RYR2: variants seen among roughly 807,000 people sequenced by gnomAD.
The protein encoded by RYR2 is cardiac muscle ryanodine receptor-calcium release channel.
A neutral mutation model predicts 601.1 loss-of-function variants in RYR2; 227 were observed. The ratio of observed to expected loss-of-function variants is 0.38; its 90% confidence interval spans 0.34 to 0.42. The LOEUF is 0.42. RYR2 is among the 10% of genes least tolerant of loss of function. The probability of loss-of-function intolerance (pLI) is 1.00; values close to 1 mark genes in which losing one functional copy is unlikely to be tolerated. For synonymous variants in RYR2, 2,223 were observed against 2,175.1 expected (o/e 1.02, Z -0.61); for missense variants, 4,646 against 6,156.5 (o/e 0.75, Z 8.21).
rs373079767 is a variant in RYR2 at position 237,610,918 on chromosome 1, C to A, written c.4840C>A (p.Arg1614Ser). 17 of 1,613,482 alleles carry A rather than the reference C, an allele frequency of 1.1e-5. No individual in the cohort carries two copies. The highest frequency in any genetic ancestry group is 1.4e-5 in the Non-Finnish European group (17 of 1,179,716). Residue 1614 changes from arginine to serine, a missense_variant, in exon 36 of 105, where the codon CGC becomes AGC. Physicochemically the swap from Arg to Ser is moderately radical, Grantham distance 110. This residue lies in a region of RYR2 where 1,807 missense variants were observed against 2,088.1 expected (regional missense o/e 0.87). Coordinates refer to ENST00000366574, the MANE Select transcript of RYR2 (RefSeq NM_001035.3). This position sits in a 1 kb window ranked among gnomAD's most constrained non-coding sequence, Gnocchi z 4.9. Reference sequence around the variant, plus strand: ...GGTAGATGTGTCTCGAATAAGTGAACGCCAAGGCTGGTTGGTGCAGTGTTT... The same window carrying A: ...GGTAGATGTGTCTCGAATAAGTGAAAGCCAAGGCTGGTTGGTGCAGTGTTT... ...LKVDVSRISE[R>S]QGWLVQCLDP...
At chr1:237,572,806 C>A (rs1410367957) in intron 29 of RYR2, among the ~76,000 whole-genome samples, 1 of 151,970 alleles carries the variant, frequency 6.6e-6, no homozygotes, top group Non-Finnish European at 1.5e-5. Flanking sequence ...AGAGTTTATC[C>A]ATGCCTATGA....
chr1:237,313,869 C>A (rs1193095260), intron 2 of RYR2, among the ~76,000 whole-genome samples: 1 of 150,878 alleles, frequency 6.6e-6, no homozygotes, highest in Non-Finnish European at 1.5e-5. Context: ...TACTCACTCA[C>A]TCACTTGCTG....
chr1:237,143,521 T>G (rs2148770610), intron 1 of RYR2, among the ~76,000 whole-genome samples: 1 of 152,278 alleles, frequency 6.6e-6, no homozygotes, highest in Admixed American at 6.5e-5. Flanking sequence ...CTCCCATAAC[T>G]GTCCAGTATG....
intron 63 of RYR2, among the ~76,000 whole-genome samples, chr1:237,692,123 T>C (rs1686995333): frequency 6.6e-6 from 1 of 152,226 alleles, no homozygotes; most frequent in Non-Finnish European, 1.5e-5. Context: ...GTGGTGCTTA[T>C]CAGAGTGCCT....
chr1:237,561,200 C>A (rs191243150), intron 27 of RYR2, among the ~76,000 whole-genome samples: 4 of 152,092 alleles, frequency 2.6e-5, no homozygotes, highest in Non-Finnish European at 5.9e-5. Flanking sequence ...AGTTGTTTGA[C>A]AAGGTTTGAT....
chr1:237,717,683 C>G (rs1208871825), intron 72 of RYR2, among the ~76,000 whole-genome samples: 1 of 152,072 alleles, frequency 6.6e-6, no homozygotes, highest in Non-Finnish European at 1.5e-5. Flanking sequence ...GAAGCATACT[C>G]AAATTTATGA....
chr1:237,671,546 A>T (rs551868188), intron 58 of RYR2, among the ~76,000 whole-genome samples: 129 of 151,314 alleles, frequency 8.5e-4, no homozygotes, highest in Non-Finnish European at 1.6e-3. Context: ...TGTGCGTGTG[A>T]GAGAGAGAGA....
chr1:237,553,878 G>A (rs1215446088), intron 27 of RYR2, among the ~76,000 whole-genome samples: 1 of 151,868 alleles, frequency 6.6e-6, no homozygotes, highest in Non-Finnish European at 1.5e-5. Context: ...TATATCCTGT[G>A]ATTTGGCTAA....
chr1:237,786,019 T>C lies in RYR2; in HGVS notation c.13311T>C (p.Ser4437=). Residue 4437 remains serine (S), a synonymous_variant, in exon 91 of 105, where the codon TCT becomes TCC. Coordinates refer to ENST00000366574, the MANE Select transcript of RYR2 (RefSeq NM_001035.3). The part of the protein sequence containing the change: ...EEKEEKEETK[S]EPEKAEGEDG... Reference sequence around the variant, plus strand: ...AGGAAGAAAAAGAAGAAACCAAATCTGAACCTGAAAAAGCCGAGTATGTAT... The same window carrying C: ...AGGAAGAAAAAGAAGAAACCAAATCCGAACCTGAAAAAGCCGAGTATGTAT... The C allele has an allele frequency of 1.3e-6, 2 of 1,588,696 alleles. No individual in the cohort carries two copies. Among genetic ancestry groups the C allele is most frequent in the Non-Finnish European group, 8.6e-7 (1 of 1,165,956 alleles).
rs575787906 is a variant in RYR2 at position 237,604,977 on chromosome 1, G to A, written c.4683+2866G>A. 2.5e-4 allele frequency among the ~76,000 whole-genome samples: 38 copies of A among 152,106 alleles called. No individual in the cohort carries two copies. The South Asian group carries it at 4.4e-3, about 17-fold the overall frequency. ...TCCAGGACCAGACAGATTCACAGCCGAATTCTACCAGAGGTACAAGGAGGA... is the reference window on the plus strand; with the variant it reads ...TCCAGGACCAGACAGATTCACAGCCAAATTCTACCAGAGGTACAAGGAGGA... On this transcript the variant is annotated intron_variant, in intron 35 of 104. Coordinates refer to ENST00000366574, the MANE Select transcript of RYR2 (RefSeq NM_001035.3).
intron 46 of RYR2, 46 bp from the exon 47 acceptor site, chr1:237,640,851 C>G: frequency 6.9e-7 from 1 of 1,442,964 alleles, no homozygotes; most frequent in Middle Eastern, 1.8e-4. Flanking sequence ...CATGAAATGT[C>G]AGTTATCCCA....
chr1:237,489,469 C>T (rs896816984), intron 17 of RYR2, among the ~76,000 whole-genome samples: 1 of 152,138 alleles, frequency 6.6e-6, no homozygotes, highest in Non-Finnish European at 1.5e-5. Flanking sequence ...CCAGCCTGGC[C>T]AACATGGTGA....
chr1:237,145,095 A>G (rs1673853729), intron 1 of RYR2, among the ~76,000 whole-genome samples: 1 of 152,144 alleles, frequency 6.6e-6, no homozygotes, highest in South Asian at 2.1e-4. Flanking sequence ...GGGGAGGGAT[A>G]GCATTAGAAG....
chr1:237,184,188 C>T (rs1260982138), intron 1 of RYR2, among the ~76,000 whole-genome samples: 31 of 152,016 alleles, frequency 2.0e-4, no homozygotes, highest in Admixed American at 1.8e-3. Flanking sequence ...TGGGGAAAAG[C>T]CTACATTCCA....
intron 6 of RYR2, among the ~76,000 whole-genome samples, chr1:237,371,896 G>A (rs989155796): frequency 5.3e-5 from 8 of 152,150 alleles, no homozygotes; most frequent in South Asian, 2.1e-4. Context: ...GGGGCCTGTC[G>A]TGGGGTGGGG....
rs1663789725 is a variant in RYR2 at position 237,831,506 on chromosome 1, A to G, written c.14757-8A>G. 1.3e-6 allele frequency: 2 copies of G among 1,502,656 alleles called. No individual in the cohort carries two copies. Among genetic ancestry groups the G allele is most frequent in the African/African-American group, 1.4e-5 (1 of 72,694 alleles). 93.1% of individuals were successfully genotyped at this position (1,502,656 alleles called of 1,614,324 possible). ...GTTCATTTCTGATCAGTTTCTCTGT[A>G]TCTGTAGGTTTTTTCTGATGTATCT... On this transcript the variant is annotated splice_polypyrimidine_tract_variant and splice_region_variant and intron_variant, in intron 103 of 104. Transcript: ENST00000366574.
intron 74 of RYR2, among the ~76,000 whole-genome samples, chr1:237,725,152 A>G (rs1690088867): frequency 6.6e-6 from 1 of 152,168 alleles, no homozygotes; most frequent in South Asian, 2.1e-4. Flanking sequence ...TACTTAATGT[A>G]GATATGAAGT....
chr1:237,474,839 C>G (rs1336419601), intron 17 of RYR2, among the ~76,000 whole-genome samples: 1 of 152,160 alleles, frequency 6.6e-6, no homozygotes, highest in Admixed American at 6.5e-5. Context: ...ATGGCAGGAG[C>G]CTGAGTGGTC....
chr1:237,542,324 C>T (rs1022236376), intron 25 of RYR2, among the ~76,000 whole-genome samples: 3 of 151,996 alleles, frequency 2.0e-5, no homozygotes, highest in Non-Finnish European at 4.4e-5. Context: ...AACTCCCGAC[C>T]TTAGGTGATC....
Sources: allele counts gnomAD v4.1 joint callset (sites outside exome capture counted in the v4.1 genomes callset), GRCh38; gene constraint gnomAD v4.1.1; regional missense constraint gnomAD v4.1.1; non-coding constraint Gnocchi (gnomAD v3.1); transcripts MANE v1.5; gene names NCBI Gene and HGNC (gene_info 2026-07-23, HGNC 2026-07-21).